The following LMNA variants were observed in gnomAD, a reference collection of about 807,000 sequenced individuals.
The protein encoded by LMNA is lamin.
A neutral mutation model predicts 70.4 loss-of-function variants in LMNA; 20 were observed. The observed-to-expected ratio is 0.28, with a 90% CI of 0.20 to 0.41. The LOEUF (loss-of-function observed/expected upper bound fraction) is 0.41. Ranked by LOEUF, LMNA falls within the 10% of genes least tolerant of loss-of-function variation. The pLI is 1.00. For synonymous variants in LMNA, 339 were observed against 372.8 expected, an observed-to-expected ratio of 0.91 and a Z score of 1.04; for missense variants, 652 against 917.2, an observed-to-expected ratio of 0.71 and a Z score of 3.73.
intron 1 of LMNA, among the ~76,000 whole-genome samples, chr1:156,116,192 C>T (rs1176549586): frequency 1.3e-5 from 2 of 152,264 alleles, no homozygotes; most frequent in South Asian, 2.1e-4. Context: ...ATTTTCCCAG[C>T]GGGGCCAGGC....
At chr1:156,126,749 G>A in intron 1 of LMNA, 1 of 1,572,568 alleles carries the variant, frequency 6.4e-7, no homozygotes, top group Non-Finnish European at 8.6e-7. Context: ...TGCCAGTGAT[G>A]GGAAGAGTTA....
At chr1:156,108,476 T>C (rs56106339) in intron 3 of LMNA, among the ~76,000 whole-genome samples, 7,170 of 152,222 alleles carry the variant, frequency 0.047, 290 homozygotes, top group African/African-American at 0.11. Flanking sequence ...CAAACTCGTA[T>C]TAAAATTTCA....
chr1:156,117,447 G>A (rs1429379451), intron 1 of LMNA, among the ~76,000 whole-genome samples: 1 of 150,330 alleles, frequency 6.7e-6, no homozygotes, highest in Non-Finnish European at 1.5e-5. Flanking sequence ...GTTGGCCAGG[G>A]TGATCTCGAA....
intron 1 of LMNA, among the ~76,000 whole-genome samples, chr1:156,124,199 A>G (rs1650388196): frequency 6.6e-6 from 1 of 152,028 alleles, no homozygotes. Flanking sequence ...TTTGAGGTGT[A>G]TGATATTCAG....
At chr1:156,093,457 C>T (rs773226504) in intron 3 of LMNA, among the ~76,000 whole-genome samples, 4 of 152,042 alleles carry the variant, frequency 2.6e-5, no homozygotes, top group Admixed American at 6.6e-5. Context: ...AGGCGTGCGC[C>T]ACCATGCTCA....
At chr1:156,089,532 G>A (rs1278451418) in intron 2 of LMNA, among the ~76,000 whole-genome samples, 1 of 151,334 alleles carries the variant, frequency 6.6e-6, no homozygotes, top group Admixed American at 6.6e-5. Flanking sequence ...CTGACTTCAT[G>A]ATCTGCCCGC....
chr1:156,130,798 C>T, intron 2 of LMNA, 25 bp downstream of exon 2: 2 of 1,556,062 alleles, frequency 1.3e-6, no homozygotes, highest in Non-Finnish European at 1.7e-6. Flanking sequence ...CAGGGCCCAC[C>T]CATGGCCCCA....
intron 1 of LMNA, among the ~76,000 whole-genome samples, chr1:156,119,534 T>A (rs1232945078): frequency 6.6e-6 from 1 of 152,204 alleles, no homozygotes; most frequent in Non-Finnish European, 1.5e-5. Flanking sequence ...TGCTGGGATG[T>A]ATAGGCATGA....
intron 3 of LMNA, among the ~76,000 whole-genome samples, chr1:156,107,277 G>A (rs1649385383): frequency 6.6e-6 from 1 of 152,222 alleles, no homozygotes; most frequent in South Asian, 2.1e-4. Context: ...GAGCCCAGCA[G>A]CCACTTCCCG....
chr1:156,124,090 C>T (rs1280895964), intron 1 of LMNA, among the ~76,000 whole-genome samples: 2 of 152,156 alleles, frequency 1.3e-5, no homozygotes, highest in Admixed American at 6.5e-5. Flanking sequence ...GCAGGTGTCA[C>T]GCCCAAGGGA....
rs755465323 is a variant in LMNA, at chr1:156,114,949, C to G, written c.31C>G (p.Arg11Gly). ...GACCCCGTCCCAGCGGCGCGCCACCCGCAGCGGGGCGCAGGCCAGCTCCAC... is the reference window on the plus strand; with the variant it reads ...GACCCCGTCCCAGCGGCGCGCCACCGGCAGCGGGGCGCAGGCCAGCTCCAC... METPSQRRATRSGAQASSTPL... is the reference protein window; with the variant it reads METPSQRRATGSGAQASSTPL... Residue 11 changes from arginine (R) to glycine (G), a missense_variant, in exon 1 of 12, where the codon CGC becomes GGC. Transcript: ENST00000368300. 6.4e-7 allele frequency: 1 copy of G among 1,571,908 alleles called. No individual in the cohort carries two copies. Among genetic ancestry groups the G allele is most frequent in the Non-Finnish European group, 8.6e-7 (1 of 1,158,298 alleles).
chr1:156,088,207 G>C (rs971152729), intron 2 of LMNA, among the ~76,000 whole-genome samples: 3 of 152,074 alleles, frequency 2.0e-5, no homozygotes, highest in Non-Finnish European at 4.4e-5. Flanking sequence ...CTTGTGGGAA[G>C]TCTGTGTTGC....
At chr1:156,101,503 A>AGAGGGAAGGAAGGAAGGGAGG (rs1649135722) in intron 3 of LMNA, among the ~76,000 whole-genome samples, 1 of 151,878 alleles carries the variant, frequency 6.6e-6, no homozygotes, top group African/African-American at 2.4e-5. Context: ...TCAAAAGGAG[A>AGAGGGAAGGAAGGAAGGGAGG]GAGGGAAGGA....
intron 3 of LMNA, among the ~76,000 whole-genome samples, chr1:156,106,499 G>A (rs1649350479): frequency 6.6e-6 from 1 of 152,234 alleles, no homozygotes; most frequent in Non-Finnish European, 1.5e-5. Flanking sequence ...AGCACCAGCC[G>A]TCAGGCCCTC....
In LMNA at chr1:156,134,067, A is replaced by G. The variant is rs1243846125; in HGVS notation, c.514-336A>G. Among the ~76,000 whole-genome samples, 3 of 152,130 alleles carry G rather than the reference A, an allele frequency of 2.0e-5. No individual in the cohort carries two copies. Among genetic ancestry groups the G allele is most frequent in the Non-Finnish European group, 2.9e-5 (2 of 68,022 alleles). ...AGTCTAGCTGTGTCACCCAGGCTGGAGTGCAGTAGTGCGATCTCGGCTCAC... is the reference window on the plus strand; with the variant it reads ...AGTCTAGCTGTGTCACCCAGGCTGGGGTGCAGTAGTGCGATCTCGGCTCAC... On this transcript the variant is annotated intron_variant, in intron 2 of 11. Transcript: ENST00000368300. This position sits in a 1 kb window ranked among gnomAD's most constrained non-coding sequence, Gnocchi z 5.3.
At chr1:156,119,078 T>G (rs1393062022) in intron 1 of LMNA, among the ~76,000 whole-genome samples, 3 of 152,008 alleles carry the variant, frequency 2.0e-5, no homozygotes, top group African/African-American at 7.2e-5. Flanking sequence ...CCTGAGTAGC[T>G]GGGATTACAA....
intron 3 of LMNA, among the ~76,000 whole-genome samples, chr1:156,102,402 C>G (rs1008684339): frequency 6.6e-6 from 1 of 152,198 alleles, no homozygotes; most frequent in Non-Finnish European, 1.5e-5. Flanking sequence ...CAAGGGCACC[C>G]AGGTTTCAGT....
At position 156,103,695 on chromosome 1, in the gene LMNA, G is replaced by A. The variant is rs945999836; in HGVS notation, c.-206-11018G>A. ...CAGTTTCTGACTAATCCTTTCCATC[G>A]GCAGTGGCATGTCCTGCCCCTGCTG... is the stretch of plus-strand genomic sequence containing the variant. On this transcript the variant is annotated intron_variant, in intron 3 of 12. Coordinates refer to the LMNA transcript ENST00000368301. The surrounding 1 kb of genome is among the most constrained non-coding windows in gnomAD (Gnocchi z 4.7). Among the ~76,000 whole-genome samples, 2 of 151,994 alleles carry A rather than the reference G, an allele frequency of 1.3e-5. No homozygotes were observed. Among genetic ancestry groups the A allele is most frequent in the African/African-American group, 4.8e-5 (2 of 41,372 alleles).
intron 3 of LMNA, among the ~76,000 whole-genome samples, chr1:156,100,195 A>G (rs1572320900): frequency 6.6e-6 from 1 of 152,214 alleles, no homozygotes; most frequent in African/African-American, 2.4e-5. Context: ...ATAAAATGAG[A>G]ATAATGACCT....
Sources: gnomAD v4.1 joint callset for allele counts (sites outside exome capture counted in the v4.1 genomes callset) on GRCh38, gnomAD v4.1.1 for gene constraint, Gnocchi (gnomAD v3.1) non-coding constraint, MANE v1.5 for transcripts, NCBI Gene and HGNC (gene_info 2026-07-23, HGNC 2026-07-21) for gene names.